ZNF564: variants seen among roughly 807,000 people sequenced by gnomAD.
ZNF564 encodes zinc finger protein 564.
ZNF564 carries 5 observed loss-of-function variants against 10.5 expected under a neutral mutation model. The observed-to-expected ratio is 0.48, with a 90% CI of 0.25 to 1.00. The LOEUF is 1.00. ZNF564 is among the 50% of genes least tolerant of loss of function. The pLI is 0.16. For synonymous variants in ZNF564, 242 were observed against 218.1 expected (o/e 1.11, Z -0.97); for missense variants, 603 against 669.7 (o/e 0.90, Z 1.10).
chr19:12,542,937 G>C (rs2022085139), intron 1 of ZNF564, among the ~76,000 whole-genome samples: 2 of 152,082 alleles, frequency 1.3e-5, no homozygotes, highest in African/African-American at 4.8e-5. Flanking sequence ...CGGAGGCAGA[G>C]TTTGCAGTGA....
chr19:12,541,060 T>C (rs1207658673), intron 1 of ZNF564, among the ~76,000 whole-genome samples: 6 of 79,992 alleles, frequency 7.5e-5, no homozygotes, highest in Non-Finnish European at 1.5e-4. Context: ...CAAAACCCTG[T>C]CTCTACAAAA....
intron 1 of ZNF564, among the ~76,000 whole-genome samples, chr19:12,538,586 T>C (rs183607635): frequency 5.9e-5 from 9 of 151,942 alleles, no homozygotes; most frequent in South Asian, 2.1e-4. Context: ...GATTGCGCCA[T>C]TGCATTCCAG....
Position 12,531,291 on chromosome 19 carries a change from C to A in ZNF564, c.4-2595G>T, listed in dbSNP as rs1000118934. 7.2e-5 allele frequency among the ~76,000 whole-genome samples: 11 copies of A among 152,080 alleles called. No homozygotes were observed. In the South Asian group the frequency reaches 2.1e-3, roughly 29 times the overall value. ...GGTATGGTGGCTCATGTCTGTAATC[C>A]CAGCACTTTGGGAGCCTGAGGCAGG... On this transcript the variant is annotated intron_variant, in intron 1 of 3. Coordinates refer to ENST00000339282, the MANE Select transcript of ZNF564 (RefSeq NM_144976.4).
chr19:12,527,768 G>T lies in ZNF564; in HGVS notation c.340C>A (p.His114Asn). 2.5e-6 allele frequency: 4 copies of T among 1,614,010 alleles called. No homozygotes were observed. Among genetic ancestry groups the T allele is most frequent in the Non-Finnish European group, 3.4e-6 (4 of 1,180,022 alleles). Residue 114 changes from histidine (H) to asparagine (N), a missense_variant, in exon 4 of 4, where the codon CAT becomes AAT. By Grantham distance (68) the His-to-Asn change is moderately conservative. Coordinates refer to ENST00000339282, the MANE Select transcript of ZNF564 (RefSeq NM_144976.4). ...ATGTGCCTACTAAGGGATGAATGATGCATGAAGACTTTCCCACACAAACTA... is the reference window on the plus strand; with the variant it reads ...ATGTGCCTACTAAGGGATGAATGATTCATGAAGACTTTCCCACACAAACTA... The part of the protein sequence containing the change: ...ECSLCGKVFM[H>N]HSSLSRHIRS...
At chr19:12,544,286 AGTCAGG>A (rs150550576) in intron 1 of ZNF564, among the ~76,000 whole-genome samples, 10,055 of 152,244 alleles carry the variant, frequency 0.066, 894 homozygotes, top group African/African-American at 0.21. Flanking sequence ...AGGTATGGTC[AGTCAGG>A]GACAGAAACG....
At chr19:12,531,339 G>T (rs561300822) in intron 1 of ZNF564, among the ~76,000 whole-genome samples, 7 of 152,010 alleles carry the variant, frequency 4.6e-5, no homozygotes, top group Non-Finnish European at 1.0e-4. Flanking sequence ...GTTCACTTGA[G>T]TCAGGATCAT....
At chr19:12,531,323 A>C (rs1258445377) in intron 1 of ZNF564, among the ~76,000 whole-genome samples, 3 of 152,014 alleles carry the variant, frequency 2.0e-5, no homozygotes, top group Non-Finnish European at 4.4e-5. Context: ...CAGGCAGATC[A>C]CTTGAGTTCA....
intron 1 of ZNF564, among the ~76,000 whole-genome samples, chr19:12,542,822 A>G (rs2022083202): frequency 6.6e-6 from 1 of 151,528 alleles, no homozygotes; most frequent in African/African-American, 2.4e-5. Context: ...TGACCAACAT[A>G]GTGAAACTCT....
rs548181786 is a variant in ZNF564 at position 12,546,099 on chromosome 19, G to A, written c.3+5231C>T. 3.3e-5 allele frequency among the ~76,000 whole-genome samples: 5 copies of A among 152,240 alleles called. No individual in the cohort carries two copies. In the South Asian group the frequency reaches 8.3e-4, roughly 25 times the overall value. ...TAGGATCCCTGTCCCAGGAACTGCA[G>A]ACAAACACCAAATATATTTATTACA... is the stretch of plus-strand genomic sequence containing the variant. On this transcript the variant is annotated intron_variant, in intron 1 of 3. Transcript: ENST00000339282.
chr19:12,528,738 T>G, intron 1 of ZNF564, 42 bp from the exon 2 acceptor site: 2 of 1,591,580 alleles, frequency 1.3e-6, no homozygotes, highest in Admixed American at 1.9e-5. Context: ...AAGAATGAGA[T>G]GACAGTACAG....
intron 1 of ZNF564, among the ~76,000 whole-genome samples, chr19:12,546,368 A>C (rs1384548303): frequency 6.6e-6 from 1 of 152,194 alleles, no homozygotes; most frequent in Non-Finnish European, 1.5e-5. Flanking sequence ...TGTTCCAGAG[A>C]AGCAGCATAC....
At chr19:12,533,898 G>A (rs576140023) in intron 1 of ZNF564, among the ~76,000 whole-genome samples, 16 of 150,472 alleles carry the variant, frequency 1.1e-4, no homozygotes, top group South Asian at 8.4e-4. Context: ...AACAGAAGTC[G>A]GTTATTGGAG....
chr19:12,550,746 A>C, intron 1 of ZNF564: 1 of 158,236 alleles, frequency 6.3e-6, no homozygotes, highest in Middle Eastern at 5.7e-4. Flanking sequence ...TGTGTCTTAA[A>C]TGTCAAACAA....
At chr19:12,551,146 G>C (rs1189253655) in intron 1 of ZNF564, among the ~76,000 whole-genome samples, 184 bp downstream of exon 1, 1 of 152,258 alleles carries the variant, frequency 6.6e-6, no homozygotes, top group Non-Finnish European at 1.5e-5. Flanking sequence ...CAGGACGCCT[G>C]GGGTACTGGC....
intron 1 of ZNF564, chr19:12,532,926 T>C (rs1364501975): frequency 6.6e-6 from 1 of 152,120 alleles, no homozygotes; most frequent in African/African-American, 2.4e-5. Flanking sequence ...AGTTGGAGAC[T>C]GCAGCACCCC....
chr19:12,532,257 C>T (rs957020219), intron 1 of ZNF564, among the ~76,000 whole-genome samples: 3 of 151,022 alleles, frequency 2.0e-5, no homozygotes, highest in Non-Finnish European at 4.4e-5. Flanking sequence ...TTTTTTTGGC[C>T]GGGCGCGGTG....
At chr19:12,538,970 G>A (rs977170351) in intron 1 of ZNF564, among the ~76,000 whole-genome samples, 4 of 150,818 alleles carry the variant, frequency 2.7e-5, no homozygotes, top group Admixed American at 2.6e-4. Context: ...GCTCACGTCT[G>A]TAATCCTAGC....
intron 1 of ZNF564, among the ~76,000 whole-genome samples, chr19:12,530,768 T>A (rs1401683949): frequency 1.3e-5 from 2 of 152,038 alleles, no homozygotes; most frequent in Non-Finnish European, 2.9e-5. Flanking sequence ...GAAAGATGGG[T>A]TCTTTTGGTT....
At position 12,535,724 on chromosome 19, in the gene ZNF564, AGGGCAAACT is replaced by A. The variant is rs2021894838; in HGVS notation, c.4-7037_4-7029del. On this transcript the variant is annotated intron_variant, in intron 1 of 3. Coordinates refer to ENST00000339282, the MANE Select transcript of ZNF564 (RefSeq NM_144976.4). ...CACAGTAATACAATATATAAAAAAT[AGGGCAAACT>A]GGCCGGGTGCGGTGGCTCACGCCTG... Among the ~76,000 whole-genome samples, 7 of 152,132 alleles carry A rather than the reference AGGGCAAACT, an allele frequency of 4.6e-5. No individual in the cohort carries two copies. The South Asian group carries it at 1.5e-3, about 32-fold the overall frequency.
Sources: gnomAD v4.1 joint callset for allele counts (sites outside exome capture counted in the v4.1 genomes callset) on GRCh38, gnomAD v4.1.1 for gene constraint, MANE v1.5 for transcripts, NCBI Gene and HGNC (gene_info 2026-07-23, HGNC 2026-07-21) for gene names.